GPR39: variants seen among roughly 807,000 people sequenced by gnomAD.
GPR39 encodes the protein zinc sensing receptor.
A neutral mutation model predicts 18.4 loss-of-function variants in GPR39; 23 were observed. That is an observed-to-expected ratio of 1.25 (90% CI 0.90 to 1.77). The LOEUF (loss-of-function observed/expected upper bound fraction) is 1.77. Ranked by LOEUF, GPR39 falls within the 40% of genes most tolerant of loss-of-function variation. The probability of loss-of-function intolerance (pLI) is 0.00; values close to 1 mark genes in which losing one functional copy is unlikely to be tolerated. For missense variants in GPR39, 647 were observed against 602.4 expected (o/e 1.07, Z -0.78); for synonymous variants, 280 against 257.9 (o/e 1.09, Z -0.82).
intron 1 of GPR39, among the ~76,000 whole-genome samples, chr2:132,554,071 C>T (rs1410187722): frequency 3.3e-5 from 5 of 152,152 alleles, no homozygotes; most frequent in Admixed American, 2.0e-4. Context: ...TAGCCTTCCT[C>T]TAACAGTTGA....
At chr2:132,528,302 T>G (rs1403357596) in intron 1 of GPR39, among the ~76,000 whole-genome samples, 1 of 152,224 alleles carries the variant, frequency 6.6e-6, no homozygotes, top group East Asian at 1.9e-4. Flanking sequence ...TCTTTTTTGG[T>G]ACAAGTACCA....
chr2:132,624,300 A>AT, intron 1 of GPR39, among the ~76,000 whole-genome samples: 1 of 152,260 alleles, frequency 6.6e-6, no homozygotes, highest in Admixed American at 6.5e-5. Context: ...ATTGGGGCTC[A>AT]TTGTAATGAC....
At chr2:132,480,473 T>C (rs984421748) in intron 1 of GPR39, among the ~76,000 whole-genome samples, 1 of 152,118 alleles carries the variant, frequency 6.6e-6, no homozygotes, top group African/African-American at 2.4e-5. Flanking sequence ...TGGTATGAAT[T>C]GTATTGGGGT....
chr2:132,560,194 C>T (rs947530275), intron 1 of GPR39, among the ~76,000 whole-genome samples: 1 of 152,204 alleles, frequency 6.6e-6, no homozygotes, highest in Admixed American at 6.5e-5. Flanking sequence ...CCACCCAAGC[C>T]TAAGCTTTCT....
At chr2:132,570,425 A>C (rs1361709387) in intron 1 of GPR39, among the ~76,000 whole-genome samples, 1 of 152,026 alleles carries the variant, frequency 6.6e-6, no homozygotes, top group African/African-American at 2.4e-5. Flanking sequence ...GCCCTCTACT[A>C]TATCTACTTC....
At chr2:132,440,221 T>G (rs1037209833) in intron 1 of GPR39, among the ~76,000 whole-genome samples, 2 of 152,178 alleles carry the variant, frequency 1.3e-5, no homozygotes, top group African/African-American at 4.8e-5. Flanking sequence ...GATAGAAATG[T>G]TGAACAAAGG....
At chr2:132,593,144 G>T (rs1680876379) in intron 1 of GPR39, among the ~76,000 whole-genome samples, 1 of 152,184 alleles carries the variant, frequency 6.6e-6, no homozygotes, top group African/African-American at 2.4e-5. Context: ...GGGACACATT[G>T]CTCTCTCAAC....
At chr2:132,487,925 T>A (rs927029149) in intron 1 of GPR39, among the ~76,000 whole-genome samples, 2 of 152,200 alleles carry the variant, frequency 1.3e-5, no homozygotes, top group Non-Finnish European at 2.9e-5. Context: ...AGGAAACATA[T>A]TTAATCTCAA....
At chr2:132,614,270 A>C (rs1379020724) in intron 1 of GPR39, among the ~76,000 whole-genome samples, 6 of 151,624 alleles carry the variant, frequency 4.0e-5, no homozygotes. Flanking sequence ...GCAGTGGCGC[A>C]ATCTCGGCTC....
At chr2:132,474,051 G>T (rs1180994433) in intron 1 of GPR39, among the ~76,000 whole-genome samples, 4 of 152,186 alleles carry the variant, frequency 2.6e-5, no homozygotes. Context: ...AAAGCACTAC[G>T]ACATGACATC....
chr2:132,455,887 C>A (rs570307337), intron 1 of GPR39, among the ~76,000 whole-genome samples: 1 of 152,238 alleles, frequency 6.6e-6, no homozygotes, highest in South Asian at 2.1e-4. Flanking sequence ...CTGAGGAGTG[C>A]TTTACTTACA....
chr2:132,493,288 CATAT>C (rs1230844475), intron 1 of GPR39, among the ~76,000 whole-genome samples: 1 of 142,140 alleles, frequency 7.0e-6, no homozygotes, highest in Non-Finnish European at 1.5e-5. Flanking sequence ...CCATATATAC[CATAT>C]ATATACACCA....
At chr2:132,553,908 T>G in intron 1 of GPR39, among the ~76,000 whole-genome samples, 1 of 151,598 alleles carries the variant, frequency 6.6e-6, no homozygotes, top group South Asian at 2.1e-4. Context: ...CTGATGGCAG[T>G]GCAATACATT....
chr2:132,595,711 CATAATGTGCCATTT>C (rs1385799712), intron 1 of GPR39, among the ~76,000 whole-genome samples: 1 of 152,134 alleles, frequency 6.6e-6, no homozygotes, highest in African/African-American at 2.4e-5. Flanking sequence ...GCTCAGTCAT[CATAATGTGCCATTT>C]TTTGTTGTGA....
rs1251456538 is a variant in GPR39, at chr2:132,565,463, A to G, written c.857-79638A>G. Among the ~76,000 whole-genome samples the G allele has an allele frequency of 6.2e-4, 92 of 149,128 alleles. 1 individual carries two copies. Among genetic ancestry groups the G allele is most frequent in the African/African-American group, 2.2e-3 (89 of 40,072 alleles). Reference sequence around the variant, plus strand: ...TGTGCACATTGTGCAGGTTAGTTACATATGTATACATGTGCCATGCTGGTG... The same window carrying G: ...TGTGCACATTGTGCAGGTTAGTTACGTATGTATACATGTGCCATGCTGGTG... On this transcript the variant is annotated intron_variant, in intron 1 of 1. Transcript: ENST00000329321.
At chr2:132,559,519 G>C (rs1165481862) in intron 1 of GPR39, among the ~76,000 whole-genome samples, 1 of 152,070 alleles carries the variant, frequency 6.6e-6, no homozygotes, top group Non-Finnish European at 1.5e-5. Flanking sequence ...TGTCAGTGCT[G>C]AGGATAAGAA....
chr2:132,586,983 G>A (rs917941095), intron 1 of GPR39, among the ~76,000 whole-genome samples: 1 of 152,190 alleles, frequency 6.6e-6, no homozygotes, highest in African/African-American at 2.4e-5. Context: ...TAAAATTTGG[G>A]TATCTCTCAT....
intron 1 of GPR39, among the ~76,000 whole-genome samples, chr2:132,636,125 G>C (rs1485097815): frequency 6.6e-6 from 1 of 152,202 alleles, no homozygotes; most frequent in East Asian, 1.9e-4. Flanking sequence ...TTTAGTCCTT[G>C]TTGCTAATTC....
At chr2:132,582,543 C>T (rs929027091) in intron 1 of GPR39, among the ~76,000 whole-genome samples, 5 of 152,294 alleles carry the variant, frequency 3.3e-5, no homozygotes, top group Admixed American at 2.6e-4. Flanking sequence ...AGGACTTGGC[C>T]AGCCCACTCT....
Sources: allele counts gnomAD v4.1 joint callset (sites outside exome capture counted in the v4.1 genomes callset), GRCh38; gene constraint gnomAD v4.1.1; transcripts MANE v1.5; gene names NCBI Gene and HGNC (gene_info 2026-07-23, HGNC 2026-07-21).